The following NEXMIF variants were observed in gnomAD, a reference collection of about 807,000 sequenced individuals.
The protein encoded by NEXMIF is neurite extension and migration factor, also known as XLMR protein related to neurite extension.
In NEXMIF, 8 loss-of-function variants were observed where a neutral mutation model predicts 62.1. The observed-to-expected ratio is 0.13, with a 90% CI of 0.08 to 0.23. NEXMIF has a LOEUF of 0.23. NEXMIF is among the 10% of genes least tolerant of loss of function. NEXMIF has a pLI of 1.00. For synonymous variants in NEXMIF, 404 were observed against 416.6 expected (o/e 0.97, Z 0.37); for missense variants, 976 against 1,113.3 (o/e 0.88, Z 1.75).
chrX:74,789,374 T>C (rs1278780147), intron 1 of NEXMIF, among the ~76,000 whole-genome samples: 10 of 106,907 alleles, frequency 9.4e-5, no homozygotes, highest in Admixed American at 4.1e-4. Context: ...CAGTCTATCA[T>C]TGTTGGACAT....
At chrX:74,774,604 A>G (rs766839698) in intron 1 of NEXMIF, among the ~76,000 whole-genome samples, 85 of 112,467 alleles carry the variant, frequency 7.6e-4, no homozygotes, top group African/African-American at 2.7e-3. Context: ...AGCTCACCTT[A>G]AAATGTGCTC....
chrX:74,836,478 C>T (rs754473968), intron 1 of NEXMIF, among the ~76,000 whole-genome samples: 1 of 111,671 alleles, frequency 9.0e-6, no homozygotes, highest in South Asian at 3.8e-4. Flanking sequence ...TATTCAGGTC[C>T]CAAGAGCTCT....
At chrX:74,835,108 G>A (rs2080452095) in intron 1 of NEXMIF, among the ~76,000 whole-genome samples, 2 of 111,942 alleles carry the variant, frequency 1.8e-5, no homozygotes, top group African/African-American at 6.5e-5. Flanking sequence ...TCATTCTTCA[G>A]TACGTCAATT....
intron 1 of NEXMIF, among the ~76,000 whole-genome samples, chrX:74,916,635 T>C (rs752404252): frequency 1.8e-5 from 2 of 111,789 alleles, no homozygotes; most frequent in South Asian, 7.6e-4. Flanking sequence ...CCTCACCAGA[T>C]GCAGCCCCTC....
chrX:74,900,544 A>G (rs2080746517), intron 1 of NEXMIF, among the ~76,000 whole-genome samples: 1 of 111,543 alleles, frequency 9.0e-6, no homozygotes, highest in Non-Finnish European at 1.9e-5. Context: ...GAAAAAATGG[A>G]AACCCTTGTG....
At chrX:74,886,461 G>C (rs371120087) in intron 1 of NEXMIF, among the ~76,000 whole-genome samples, 230 of 111,822 alleles carry the variant, frequency 2.1e-3, no homozygotes, top group Middle Eastern at 4.6e-3. Flanking sequence ...TCTCAGGATA[G>C]AAAATCAATG....
chrX:74,791,188 G>C, intron 1 of NEXMIF, among the ~76,000 whole-genome samples: 1 of 111,621 alleles, frequency 9.0e-6, no homozygotes, highest in Non-Finnish European at 1.9e-5. Context: ...TAGCGTGAAT[G>C]GTTGTTGAAT....
intron 1 of NEXMIF, among the ~76,000 whole-genome samples, chrX:74,834,778 G>C (rs1022166364): frequency 2.7e-5 from 3 of 111,180 alleles, no homozygotes; most frequent in Non-Finnish European, 5.7e-5. Flanking sequence ...GATGCCTTGA[G>C]GTAGTCTTCT....
intron 1 of NEXMIF, among the ~76,000 whole-genome samples, chrX:74,846,170 T>A (rs2080491358): frequency 8.9e-6 from 1 of 112,700 alleles, no homozygotes; most frequent in Non-Finnish European, 1.9e-5. Flanking sequence ...CTTTAAAGAG[T>A]GAAACCATCT....
At chrX:74,877,609 C>T (rs1208018825) in intron 1 of NEXMIF, among the ~76,000 whole-genome samples, 3 of 111,463 alleles carry the variant, frequency 2.7e-5, no homozygotes, top group Non-Finnish European at 5.7e-5. Context: ...TCCATTCTCC[C>T]CGTCACTTTC....
chrX:74,820,721 C>A (rs1205976379), intron 1 of NEXMIF, among the ~76,000 whole-genome samples: 1 of 111,767 alleles, frequency 8.9e-6, no homozygotes, highest in Non-Finnish European at 1.9e-5. Context: ...CAGCTGGAGG[C>A]CATTACCTTA....
intron 1 of NEXMIF, among the ~76,000 whole-genome samples, chrX:74,915,146 A>G (rs1283226562): frequency 2.7e-5 from 3 of 111,811 alleles, no homozygotes; most frequent in Non-Finnish European, 3.8e-5. Context: ...ACAAATATAC[A>G]TGTGTGCTGG....
intron 1 of NEXMIF, among the ~76,000 whole-genome samples, chrX:74,836,758 G>A (rs1481823434): frequency 9.0e-5 from 10 of 111,448 alleles, no homozygotes; most frequent in Non-Finnish European, 1.5e-4. Context: ...GGGGTTGGGG[G>A]GAGGCATGGG....
intron 1 of NEXMIF, among the ~76,000 whole-genome samples, chrX:74,879,241 A>T (rs1224803537): frequency 1.8e-5 from 2 of 111,755 alleles, no homozygotes; most frequent in African/African-American, 3.3e-5. Flanking sequence ...ATTTCTCAGA[A>T]AGTATTCCTA....
rs184788016 is a variant in NEXMIF at position 74,851,896 on chromosome X, A to G, written c.-48+72987T>C. Among the ~76,000 whole-genome samples, 382 of 112,079 alleles carry G rather than the reference A, an allele frequency of 3.4e-3. 2 individuals carry two copies. Among genetic ancestry groups the G allele is most frequent in the African/African-American group, 0.012 (364 of 30,887 alleles). ...ATAATGAATAAACAATAAGACAGAA[A>G]GAAAGACACAAAAGATATACAAACA... is the stretch of plus-strand genomic sequence containing the variant. On this transcript the variant is annotated intron_variant, in intron 1 of 3. Coordinates refer to ENST00000055682, the MANE Select transcript of NEXMIF (RefSeq NM_001008537.3).
intron 1 of NEXMIF, among the ~76,000 whole-genome samples, chrX:74,795,655 G>A (rs1363935103): frequency 2.7e-5 from 3 of 111,296 alleles, no homozygotes; most frequent in Non-Finnish European, 3.8e-5. Context: ...CTATAGACCT[G>A]TAATTTACAA....
Position 74,742,846 on chromosome X carries a change from T to A in NEXMIF, c.1711A>T (p.Ser571Cys), listed in dbSNP as rs367611762. The change falls in exon 3 of 4, where the codon AGT becomes TGT. Residue 571 changes from serine to cysteine, a missense_variant. Ser to Cys is a moderately radical substitution (Grantham distance 112). Coordinates refer to ENST00000055682, the MANE Select transcript of NEXMIF (RefSeq NM_001008537.3). ...GCATATTTGTTGAGCTGATTCTCAC[T>A]CAAATTCACTGTTGTCTCACTGGCA... ...VDASETTVNLSENQLNKYAKL... is the reference protein window; with the variant it reads ...VDASETTVNLCENQLNKYAKL... 8.3e-7 allele frequency: 1 copy of A among 1,209,440 alleles called. No homozygotes were observed. Among genetic ancestry groups the A allele is most frequent in the Non-Finnish European group, 1.1e-6 (1 of 895,061 alleles).
At chrX:74,817,439 A>G (rs2080379635) in intron 1 of NEXMIF, among the ~76,000 whole-genome samples, 2 of 111,875 alleles carry the variant, frequency 1.8e-5, no homozygotes, top group African/African-American at 6.5e-5. Flanking sequence ...AGTGAAAAAA[A>G]TACACTAAAG....
intron 1 of NEXMIF, among the ~76,000 whole-genome samples, chrX:74,876,230 G>T (rs1251914003): frequency 9.0e-6 from 1 of 110,994 alleles, no homozygotes; most frequent in Non-Finnish European, 1.9e-5. Context: ...CTTTATTTCT[G>T]CCTTCGTTTC....
Sources: gnomAD v4.1 joint callset for allele counts (sites outside exome capture counted in the v4.1 genomes callset) on GRCh38, gnomAD v4.1.1 for gene constraint, MANE v1.5 for transcripts, NCBI Gene and HGNC (gene_info 2026-07-23, HGNC 2026-07-21) for gene names.